Variants in GRM8 observed in about 807,000 individuals in gnomAD.
The protein encoded by GRM8 is glutamate metabotropic receptor 8.
In GRM8, 47 loss-of-function variants were observed where a neutral mutation model predicts 87.2. That is an observed-to-expected ratio of 0.54 (90% CI 0.43 to 0.69). The LOEUF (loss-of-function observed/expected upper bound fraction) is 0.69. GRM8 is among the 30% of genes least tolerant of loss of function. GRM8 has a pLI of 0.00. For synonymous variants in GRM8, 396 were observed against 404.5 expected (o/e 0.98, Z 0.25); for missense variants, 1,019 against 1,139.2 (o/e 0.89, Z 1.52).
Position 126,834,560 on chromosome 7 carries a change from C to T in GRM8, c.1157-64495G>A, listed in dbSNP as rs930631061. On this transcript the variant is annotated intron_variant, in intron 6 of 10. Transcript: ENST00000339582. ...TATGGTTGTAAATGGTTTCAACTAACAAAACAATAACATTCAGAAAAAAGT... is the reference window on the plus strand; with the variant it reads ...TATGGTTGTAAATGGTTTCAACTAATAAAACAATAACATTCAGAAAAAAGT... Among the ~76,000 whole-genome samples, 35 of 151,998 alleles carry T rather than the reference C, an allele frequency of 2.3e-4. 1 individual carries two copies. Among genetic ancestry groups the T allele is most frequent in the Non-Finnish European group, 1.2e-4 (8 of 67,998 alleles).
At chr7:127,080,451 T>A (rs1218564925) in intron 3 of GRM8, among the ~76,000 whole-genome samples, 1 of 152,204 alleles carries the variant, frequency 6.6e-6, no homozygotes, top group Non-Finnish European at 1.5e-5. Flanking sequence ...CATAGGAAAC[T>A]AGCACATCCC....
intron 7 of GRM8, among the ~76,000 whole-genome samples, chr7:126,712,310 T>C (rs538101344): frequency 1.2e-4 from 19 of 152,270 alleles, no homozygotes; most frequent in African/African-American, 4.6e-4. Context: ...TCCCATCTTA[T>C]ATAGATGAGG....
intron 3 of GRM8, among the ~76,000 whole-genome samples, chr7:126,975,226 A>T (rs1485222133): frequency 1.3e-5 from 2 of 152,156 alleles, no homozygotes; most frequent in East Asian, 3.9e-4. Flanking sequence ...CATGTTCATG[A>T]CCAGAACACA....
intron 7 of GRM8, among the ~76,000 whole-genome samples, chr7:126,727,069 C>T (rs1306883539): frequency 7.2e-5 from 11 of 151,856 alleles, no homozygotes; most frequent in East Asian, 1.9e-4. Context: ...TACATACTTA[C>T]GTGTATTTAA....
chr7:126,764,106 G>A (rs142798587), intron 7 of GRM8, among the ~76,000 whole-genome samples: 19 of 151,480 alleles, frequency 1.3e-4, no homozygotes, highest in South Asian at 2.1e-4. Flanking sequence ...AATTATTGTC[G>A]AGATCAAATA....
At chr7:126,691,267 A>T (rs1356502368) in intron 7 of GRM8, among the ~76,000 whole-genome samples, 1 of 152,168 alleles carries the variant, frequency 6.6e-6, no homozygotes, top group Non-Finnish European at 1.5e-5. Context: ...GTGTGCATGC[A>T]TGCACCTGGC....
At chr7:126,460,047 A>T (rs185138428) in intron 9 of GRM8, among the ~76,000 whole-genome samples, 11 of 151,688 alleles carry the variant, frequency 7.3e-5, no homozygotes, top group Admixed American at 7.2e-4. Flanking sequence ...TGGGTATAAG[A>T]AAATCTTAGT....
intron 8 of GRM8, among the ~76,000 whole-genome samples, chr7:126,601,015 T>G (rs1310122218): frequency 6.6e-6 from 1 of 151,880 alleles, no homozygotes; most frequent in South Asian, 2.1e-4. Context: ...TGTGCCATGC[T>G]GGTGCGCTGC....
intron 2 of GRM8, among the ~76,000 whole-genome samples, chr7:127,140,611 C>G (rs772394055): frequency 2.0e-5 from 3 of 152,102 alleles, no homozygotes; most frequent in Non-Finnish European, 2.9e-5. Flanking sequence ...GGCCCACTTC[C>G]AGGGCCCTGA....
At chr7:127,191,782 G>T (rs964904094) in intron 2 of GRM8, among the ~76,000 whole-genome samples, 1 of 152,084 alleles carries the variant, frequency 6.6e-6, no homozygotes, top group Admixed American at 6.6e-5. Flanking sequence ...GCTTAATTCT[G>T]TCAGATAATC....
At chr7:126,835,086 T>TAA (rs11387803) in intron 6 of GRM8, among the ~76,000 whole-genome samples, 73 of 137,396 alleles carry the variant, frequency 5.3e-4, no homozygotes, top group South Asian at 9.2e-4. Context: ...AAAAAAAAAA[T>TAA]AAAAAAAAAA....
At chr7:126,878,927 T>C (rs1799775606) in intron 6 of GRM8, among the ~76,000 whole-genome samples, 1 of 150,956 alleles carries the variant, frequency 6.6e-6, no homozygotes. Flanking sequence ...CTTTGGGAGG[T>C]GGAGGCAGGT....
intron 6 of GRM8, among the ~76,000 whole-genome samples, chr7:126,866,029 T>C (rs1798563317): frequency 6.6e-6 from 1 of 152,226 alleles, no homozygotes; most frequent in South Asian, 2.1e-4. Flanking sequence ...GGCTATAGCA[T>C]CTTCCATTCC....
chr7:126,916,345 G>A (rs560856049), intron 3 of GRM8, among the ~76,000 whole-genome samples: 3 of 152,244 alleles, frequency 2.0e-5, no homozygotes, highest in South Asian at 2.1e-4. Context: ...TGACAAATAC[G>A]TGAATAAATA....
intron 10 of GRM8, among the ~76,000 whole-genome samples, chr7:126,443,426 A>T (rs571209733): frequency 1.3e-5 from 2 of 151,864 alleles, no homozygotes; most frequent in Non-Finnish European, 2.9e-5. Flanking sequence ...CTACCCTTTC[A>T]TTGTAGGATG....
At chr7:126,893,275 A>G (rs1801241388) in intron 6 of GRM8, among the ~76,000 whole-genome samples, 2 of 152,062 alleles carry the variant, frequency 1.3e-5, no homozygotes, top group Admixed American at 1.3e-4. Flanking sequence ...AGGTAACCAA[A>G]TACTCCAATA....
At chr7:127,177,103 C>A (rs2116374822) in intron 2 of GRM8, among the ~76,000 whole-genome samples, 1 of 152,220 alleles carries the variant, frequency 6.6e-6, no homozygotes, top group African/African-American at 2.4e-5. Context: ...TAGCCCAGTG[C>A]AAGTTTTCTA....
intron 6 of GRM8, among the ~76,000 whole-genome samples, chr7:126,776,006 T>G (rs937421964): frequency 6.6e-6 from 1 of 152,182 alleles, no homozygotes; most frequent in East Asian, 1.9e-4. Flanking sequence ...TTTCCAAGCC[T>G]CAGGGGAGAT....
chr7:126,478,146 C>T (rs900267770), intron 9 of GRM8, among the ~76,000 whole-genome samples: 2 of 152,078 alleles, frequency 1.3e-5, no homozygotes, highest in African/African-American at 4.8e-5. Context: ...TTTACAAGTT[C>T]CAGAGGTTAG....
Sources: gnomAD v4.1 joint callset for allele counts (sites outside exome capture counted in the v4.1 genomes callset) on GRCh38, gnomAD v4.1.1 for gene constraint, MANE v1.5 for transcripts, NCBI Gene and HGNC (gene_info 2026-07-23, HGNC 2026-07-21) for gene names.